The following PLCB1 variants were observed in gnomAD, a reference collection of about 807,000 sequenced individuals.
The protein encoded by PLCB1 is 1-phosphatidylinositol 4,5-bisphosphate phosphodiesterase beta-1.
In PLCB1, 46 loss-of-function variants were observed where a neutral mutation model predicts 161.8. The observed-to-expected ratio is 0.28, with a 90% confidence interval of 0.22 to 0.36. The LOEUF is 0.36. PLCB1 is among the 10% of genes least tolerant of loss of function. PLCB1 has a pLI of 1.00. For synonymous variants in PLCB1, 517 were observed against 503.7 expected (o/e 1.03, Z -0.35); for missense variants, 1,016 against 1,472.5 (o/e 0.69, Z 5.07).
intron 18 of PLCB1, 108 bp downstream of exon 18, chr20:8,729,282 A>G (rs1300770489): frequency 9.3e-7 from 1 of 1,074,066 alleles, no homozygotes; most frequent in Non-Finnish European, 1.3e-6. Context: ...CACTGAAAAA[A>G]TAAATAAAAG....
intron 9 of PLCB1, among the ~76,000 whole-genome samples, chr20:8,675,187 T>A (rs6055991): frequency 0.82 from 124,357 of 151,996 alleles, 51,402 homozygotes; most frequent in African/African-American, 0.94. Flanking sequence ...TGACTCAATG[T>A]TCACTCCTTT....
chr20:8,757,225 T>C, intron 24 of PLCB1, 47 bp downstream of exon 24: 25 of 1,553,708 alleles, frequency 1.6e-5, no homozygotes, highest in Non-Finnish European at 2.2e-5. Context: ...GATCCTCCAG[T>C]TCATTAGTGC....
intron 3 of PLCB1, among the ~76,000 whole-genome samples, chr20:8,419,142 A>T (rs1044973831): frequency 6.6e-6 from 1 of 151,822 alleles, no homozygotes; most frequent in African/African-American, 2.4e-5. Flanking sequence ...AGATGTCTGG[A>T]TTTAAAAGCT....
intron 3 of PLCB1, among the ~76,000 whole-genome samples, chr20:8,489,586 C>T (rs1982863615): frequency 6.6e-6 from 1 of 152,020 alleles, no homozygotes; most frequent in South Asian, 2.1e-4. Flanking sequence ...TGTTTATATT[C>T]ATAGCAAGTT....
At chr20:8,667,369 A>G (rs1168019351) in intron 9 of PLCB1, among the ~76,000 whole-genome samples, 2 of 152,220 alleles carry the variant, frequency 1.3e-5, no homozygotes, top group Non-Finnish European at 2.9e-5. Flanking sequence ...TGGTATGTTC[A>G]TAGACTTCTC....
At position 8,312,617 on chromosome 20, in the gene PLCB1, C is replaced by G. The variant is rs115856470; in HGVS notation, c.178-58765C>G. Among the ~76,000 whole-genome samples, 1,192 of 152,224 alleles carry G rather than the reference C, an allele frequency of 7.8e-3. 19 individuals carry two copies. The highest frequency in any genetic ancestry group is 0.027 in the African/African-American group (1,131 of 41,542). ...CATGAGGCAGAACCAAGAGGAATGA[C>G]CCTCCCACATAGTAATGAAGGGGAA... On this transcript the variant is annotated intron_variant, in intron 2 of 31. Coordinates refer to ENST00000338037, the MANE Select transcript of PLCB1 (RefSeq NM_015192.4).
At chr20:8,681,086 G>GTATATGTATATATA (rs1555782781) in intron 9 of PLCB1, among the ~76,000 whole-genome samples, 1 of 73,846 alleles carries the variant, frequency 1.4e-5, no homozygotes, top group South Asian at 4.3e-4. Context: ...ATGTGTGTGT[G>GTATATGTATATATA]TATATATATA....
At chr20:8,270,421 T>C (rs755392119) in intron 2 of PLCB1, among the ~76,000 whole-genome samples, 6 of 152,184 alleles carry the variant, frequency 3.9e-5, no homozygotes, top group Non-Finnish European at 8.8e-5. Flanking sequence ...CAAGTCAAGG[T>C]TGATGCTGAT....
chr20:8,656,843 T>C (rs1490591891), intron 7 of PLCB1, among the ~76,000 whole-genome samples: 1 of 149,970 alleles, frequency 6.7e-6, no homozygotes. Context: ...CTTTCCTAGA[T>C]CTAACTTGCT....
intron 2 of PLCB1, among the ~76,000 whole-genome samples, chr20:8,166,510 G>A (rs1490234257): frequency 6.6e-6 from 1 of 152,066 alleles, no homozygotes; most frequent in Non-Finnish European, 1.5e-5. Context: ...AATCTCACCT[G>A]CACTTAAAAC....
At chr20:8,299,979 C>A (rs1983822494) in intron 2 of PLCB1, among the ~76,000 whole-genome samples, 1 of 152,190 alleles carries the variant, frequency 6.6e-6, no homozygotes, top group Admixed American at 6.5e-5. Flanking sequence ...CAAAACCTCA[C>A]TGGCATAAAA....
At chr20:8,386,358 T>TTTTC (rs1987426069) in intron 3 of PLCB1, among the ~76,000 whole-genome samples, 1 of 152,226 alleles carries the variant, frequency 6.6e-6, no homozygotes, top group East Asian at 1.9e-4. Context: ...AAAACAACAT[T>TTTTC]AATCTCCTTG....
chr20:8,317,663 A>T (rs1361988647), intron 2 of PLCB1, among the ~76,000 whole-genome samples: 1 of 152,204 alleles, frequency 6.6e-6, no homozygotes, highest in East Asian at 1.9e-4. Flanking sequence ...TGTGAAGATG[A>T]GCTCAACATC....
At chr20:8,848,090 A>G (rs1339666998) in intron 31 of PLCB1, among the ~76,000 whole-genome samples, 2 of 152,174 alleles carry the variant, frequency 1.3e-5, no homozygotes, top group African/African-American at 2.4e-5. Flanking sequence ...CACACTCATG[A>G]AAAAGGGCCC....
At position 8,234,630 on chromosome 20, in the gene PLCB1, G is replaced by GC. The variant is rs1980230067; in HGVS notation, c.177+84260dup. ...ATGCTACCCCTGTTCCAAGACATAC[G>GC]CATACTTTAGTGAACATGAAATTCT... On this transcript the variant is annotated intron_variant, in intron 2 of 31. Transcript: ENST00000338037. 2.6e-5 allele frequency among the ~76,000 whole-genome samples: 4 copies of GC among 152,004 alleles called. No individual in the cohort carries two copies. In the South Asian group the frequency reaches 8.3e-4, roughly 32 times the overall value.
At chr20:8,658,487 A>C in intron 8 of PLCB1, 51 bp from the exon 9 acceptor site, 1 of 1,374,452 alleles carries the variant, frequency 7.3e-7, no homozygotes, top group South Asian at 1.3e-5. Context: ...AAATATTAGA[A>C]TGAAACTTAG....
At chr20:8,663,524 G>T (rs901728338) in intron 9 of PLCB1, among the ~76,000 whole-genome samples, 2 of 152,022 alleles carry the variant, frequency 1.3e-5, no homozygotes, top group African/African-American at 4.8e-5. Flanking sequence ...ATCTTCTGAG[G>T]ACCTGCTGTA....
At chr20:8,543,403 C>T (rs1212729750) in intron 3 of PLCB1, among the ~76,000 whole-genome samples, 1 of 152,008 alleles carries the variant, frequency 6.6e-6, no homozygotes, top group Non-Finnish European at 1.5e-5. Flanking sequence ...CTATGTAGCA[C>T]AGCCTTAAAT....
At chr20:8,661,198 C>A (rs1989610979) in intron 9 of PLCB1, among the ~76,000 whole-genome samples, 1 of 152,128 alleles carries the variant, frequency 6.6e-6, no homozygotes, top group African/African-American at 2.4e-5. Flanking sequence ...TTTTCCCCAG[C>A]ACCTAGAAGA....
Sources: allele counts gnomAD v4.1 joint callset (sites outside exome capture counted in the v4.1 genomes callset), GRCh38; gene constraint gnomAD v4.1.1; transcripts MANE v1.5; gene names NCBI Gene and HGNC (gene_info 2026-07-23, HGNC 2026-07-21).